The following OPCML variants were observed in gnomAD, a reference collection of about 807,000 sequenced individuals.
OPCML encodes opioid binding protein/cell adhesion molecule like.
Under a neutral mutation model 37.8 loss-of-function variants are expected in OPCML, and 13 were observed. That is an observed-to-expected ratio of 0.34 (90% CI 0.22 to 0.55). OPCML has a LOEUF of 0.55. Ranked by LOEUF, OPCML falls within the 20% of genes least tolerant of loss-of-function variation. The probability of loss-of-function intolerance (pLI) is 0.91; values close to 1 mark genes in which losing one functional copy is unlikely to be tolerated. For synonymous variants in OPCML, 176 were observed against 168.8 expected (o/e 1.04, Z -0.33); for missense variants, 341 against 435.6 (o/e 0.78, Z 1.93).
intron 1 of OPCML, among the ~76,000 whole-genome samples, chr11:133,231,072 A>G (rs901114897): frequency 2.6e-5 from 4 of 152,218 alleles, no homozygotes; most frequent in Admixed American, 2.0e-4. Flanking sequence ...ACAAGAGAAT[A>G]TCAAGGAAGG....
chr11:133,292,291 C>T (rs1161058721), intron 1 of OPCML, among the ~76,000 whole-genome samples: 1 of 151,992 alleles, frequency 6.6e-6, no homozygotes, highest in East Asian at 1.9e-4. Context: ...AAGCTCATTG[C>T]GATAGAGATG....
chr11:133,485,529 A>G (rs1047892480), intron 1 of OPCML, among the ~76,000 whole-genome samples: 3 of 152,158 alleles, frequency 2.0e-5, no homozygotes, highest in Admixed American at 1.3e-4. Context: ...TTTCTGCATC[A>G]TCAAGTTTCT....
chr11:133,417,240 T>G (rs1358446552), intron 1 of OPCML, among the ~76,000 whole-genome samples: 1 of 152,160 alleles, frequency 6.6e-6, no homozygotes, highest in East Asian at 1.9e-4. Flanking sequence ...AATCCCTGAT[T>G]CATAGAAGTG....
At chr11:132,854,302 G>A (rs898251667) in intron 2 of OPCML, among the ~76,000 whole-genome samples, 6 of 152,204 alleles carry the variant, frequency 3.9e-5, no homozygotes, top group Non-Finnish European at 7.3e-5. Flanking sequence ...CCTGGCATTT[G>A]GATGTGTTCT....
At chr11:133,350,273 C>T (rs1308368409) in intron 1 of OPCML, among the ~76,000 whole-genome samples, 14 of 152,288 alleles carry the variant, frequency 9.2e-5, no homozygotes, top group Non-Finnish European at 1.6e-4. Context: ...TGTACCCACA[C>T]GCTAGAACAC....
At position 133,502,604 on chromosome 11, in the gene OPCML, C is replaced by G. The variant is rs1011888488; in HGVS notation, c.61+29660G>C. On this transcript the variant is annotated intron_variant, in intron 1 of 7. Coordinates refer to ENST00000524381, the MANE Select transcript of OPCML (RefSeq NM_001012393.5). ...AAAAAAGAAACCAAATATTTCTTCT[C>G]CCTTCCAAGGCTCAACTAAATGATC... is the stretch of plus-strand genomic sequence containing the variant. Among the ~76,000 whole-genome samples the G allele has an allele frequency of 2.6e-5, 4 of 152,236 alleles. No individual in the cohort carries two copies. In the East Asian group the frequency reaches 7.7e-4, roughly 29 times the overall value.
intron 1 of OPCML, among the ~76,000 whole-genome samples, chr11:133,407,836 C>T (rs1444437209): frequency 2.6e-5 from 4 of 152,188 alleles, no homozygotes; most frequent in African/African-American, 9.6e-5. Flanking sequence ...AGACCTCCTG[C>T]ACCAGGATTC....
chr11:133,462,789 T>C (rs1946886287), intron 1 of OPCML, among the ~76,000 whole-genome samples: 1 of 152,166 alleles, frequency 6.6e-6, no homozygotes, highest in South Asian at 2.1e-4. Flanking sequence ...CTCAAAAAAT[T>C]AAGCATAAAA....
chr11:132,499,921 T>C (rs1052285351), intron 4 of OPCML, among the ~76,000 whole-genome samples: 2 of 152,172 alleles, frequency 1.3e-5, no homozygotes, highest in East Asian at 1.9e-4. Context: ...CTTAGGCATA[T>C]AGTACATGAA....
chr11:133,270,510 T>G (rs1055181936), intron 1 of OPCML, among the ~76,000 whole-genome samples: 3 of 152,174 alleles, frequency 2.0e-5, no homozygotes, highest in Non-Finnish European at 2.9e-5. Context: ...AAATACTAAG[T>G]ACCAATGACA....
intron 2 of OPCML, among the ~76,000 whole-genome samples, chr11:132,659,089 T>C (rs535485761): frequency 4.6e-5 from 7 of 152,356 alleles, no homozygotes; most frequent in African/African-American, 1.4e-4. Context: ...AATGATTCTT[T>C]CACATCATTA....
Position 132,436,329 on chromosome 11 carries a change from A to G in OPCML, c.765-92T>C. 5.6e-6 allele frequency: 9 copies of G among 1,604,038 alleles called. No homozygotes were observed. In the South Asian group the frequency reaches 8.9e-5, roughly 16 times the overall value. On this transcript the variant is annotated intron_variant, in intron 6 of 7. Transcript: ENST00000524381. ...TTCTCCAACTAATCTCGTCCTTCAA[A>G]CTCAAACCCTAAGCACTTCAGTGTC...
At chr11:133,131,446 G>C (rs1273598519) in intron 1 of OPCML, among the ~76,000 whole-genome samples, 1 of 152,126 alleles carries the variant, frequency 6.6e-6, no homozygotes, top group African/African-American at 2.4e-5. Context: ...AGAATGACAA[G>C]TTAAAACAAC....
At chr11:132,869,372 A>G (rs1942706375) in intron 2 of OPCML, among the ~76,000 whole-genome samples, 1 of 152,156 alleles carries the variant, frequency 6.6e-6, no homozygotes, top group Non-Finnish European at 1.5e-5. Context: ...GAAGATGCGG[A>G]GGGCTGGTGG....
At chr11:132,925,128 A>G (rs1944943336) in intron 2 of OPCML, among the ~76,000 whole-genome samples, 1 of 152,184 alleles carries the variant, frequency 6.6e-6, no homozygotes, top group Admixed American at 6.5e-5. Context: ...ATTCTTTCTT[A>G]GAATTTCCAT....
At chr11:133,116,804 A>C (rs1271718413) in intron 1 of OPCML, among the ~76,000 whole-genome samples, 1 of 149,646 alleles carries the variant, frequency 6.7e-6, no homozygotes, top group Non-Finnish European at 1.5e-5. Flanking sequence ...TTAAAACTAT[A>C]CATATATATA....
intron 2 of OPCML, among the ~76,000 whole-genome samples, chr11:132,770,716 G>A (rs564113910): frequency 2.6e-5 from 4 of 152,166 alleles, no homozygotes; most frequent in Non-Finnish European, 4.4e-5. Flanking sequence ...TTAGAAACAC[G>A]TTTCTGAGGA....
chr11:132,637,791 C>G (rs1940601623), intron 3 of OPCML, among the ~76,000 whole-genome samples: 2 of 152,128 alleles, frequency 1.3e-5, no homozygotes, highest in African/African-American at 4.8e-5. Flanking sequence ...ATGGAACTTT[C>G]TTGTGTCTAG....
chr11:132,577,069 C>A (rs565664866), intron 3 of OPCML, among the ~76,000 whole-genome samples: 1 of 152,160 alleles, frequency 6.6e-6, no homozygotes, highest in Non-Finnish European at 1.5e-5. Context: ...TACAGGGACT[C>A]CAGTGAGAGA....
Sources: gnomAD v4.1 joint callset for allele counts (sites outside exome capture counted in the v4.1 genomes callset) on GRCh38, gnomAD v4.1.1 for gene constraint, MANE v1.5 for transcripts, NCBI Gene and HGNC (gene_info 2026-07-23, HGNC 2026-07-21) for gene names.